PSME3IP1: variants seen among roughly 807,000 people sequenced by gnomAD.
The protein encoded by PSME3IP1 is proteasome activator subunit 3 interacting protein 1.
In PSME3IP1, 13 loss-of-function variants were observed where a neutral mutation model predicts 34.1. The ratio of observed to expected loss-of-function variants is 0.38; its 90% CI spans 0.25 to 0.61. PSME3IP1 has a LOEUF of 0.61. Among genes scored for constraint, PSME3IP1 ranks in the 20% least tolerant of loss-of-function variants. The probability of loss-of-function intolerance (pLI) is 0.60; values close to 1 mark genes in which losing one functional copy is unlikely to be tolerated. For missense variants in PSME3IP1, 237 were observed against 301.4 expected, an observed-to-expected ratio of 0.79 and a Z score of 1.58; for synonymous variants, 93 against 114.3, an observed-to-expected ratio of 0.81 and a Z score of 1.19.
At chr16:57,181,066 A>T (rs2073662279) in intron 1 of PSME3IP1, among the ~76,000 whole-genome samples, 1 of 151,432 alleles carries the variant, frequency 6.6e-6, no homozygotes, top group South Asian at 2.1e-4. Context: ...AAAAGAAGTT[A>T]AAAAAAAAGT....
In PSME3IP1 at chr16:57,154,354, A is replaced by T. The variant is rs2070258749; in HGVS notation, c.701T>A (p.Ile234Asn). The T allele has an allele frequency of 6.2e-7, 1 of 1,613,996 alleles. No homozygotes were observed. The highest frequency in any genetic ancestry group is 1.1e-5 in the South Asian group (1 of 91,084). Residue 234 changes from isoleucine to asparagine, a missense_variant, in exon 7 of 7, where the codon ATC (isoleucine) becomes AAC (asparagine). By Grantham distance (149) the Ile-to-Asn change is moderately radical (BLOSUM62 -3). Transcript: ENST00000309137. The surrounding 1 kb of genome is among the most constrained non-coding windows in gnomAD (Gnocchi z 4.0). The stretch of plus-strand genomic sequence containing the variant: ...GGAGACAATCTTTCCGGTGGCATTG[A>T]TGGTGCCTTCGCTGTCTGAGCTGGA... ...SESSSDSEGT[I>N]NATGKIVSSI... is the part of the protein sequence containing the mutation.
chr16:57,176,176 T>C (rs528002700), intron 1 of PSME3IP1, among the ~76,000 whole-genome samples: 11 of 152,344 alleles, frequency 7.2e-5, no homozygotes, highest in Admixed American at 5.9e-4. Flanking sequence ...GCCAACAATT[T>C]CTTAAATGTC....
At chr16:57,184,831 T>C (rs1420080302) in intron 1 of PSME3IP1, among the ~76,000 whole-genome samples, 1 of 152,250 alleles carries the variant, frequency 6.6e-6, no homozygotes, top group Non-Finnish European at 1.5e-5. Context: ...TTGAGAAAGA[T>C]AATCGGGCAG....
intron 1 of PSME3IP1, among the ~76,000 whole-genome samples, chr16:57,182,110 G>A (rs2073770811): frequency 2.0e-5 from 3 of 152,070 alleles, no homozygotes; most frequent in Admixed American, 2.0e-4. Flanking sequence ...AGTTACTTAG[G>A]GGCTGCCAGC....
intron 1 of PSME3IP1, among the ~76,000 whole-genome samples, chr16:57,176,327 C>T (rs1434335811): frequency 6.6e-6 from 1 of 152,180 alleles, no homozygotes; most frequent in Non-Finnish European, 1.5e-5. Flanking sequence ...CTTTCCATCA[C>T]CCATTTTTCC....
chr16:57,173,976 TA>T, intron 1 of PSME3IP1, 107 bp from the exon 2 acceptor site: 2 of 1,177,642 alleles, frequency 1.7e-6, no homozygotes, highest in Non-Finnish European at 2.4e-6. Context: ...AGCAACAAAC[TA>T]AAAATTATCT....
At chr16:57,185,593 C>T (rs2074104471) in intron 1 of PSME3IP1, 1 of 985,404 alleles carries the variant, frequency 1.0e-6, no homozygotes, top group African/African-American at 1.7e-5. Context: ...AGTGTTGGGC[C>T]CGCCTGAAAG....
At chr16:57,160,902 A>G (rs1450550776) in intron 6 of PSME3IP1, among the ~76,000 whole-genome samples, 1 of 152,266 alleles carries the variant, frequency 6.6e-6, no homozygotes, top group Non-Finnish European at 1.5e-5. Context: ...AACACAAGGT[A>G]GCAGGAAACA....
intron 2 of PSME3IP1, 28 bp from the exon 3 acceptor site, chr16:57,172,902 G>A (rs756043615): frequency 2.5e-5 from 34 of 1,385,694 alleles, no homozygotes; most frequent in Non-Finnish European, 3.4e-5. Flanking sequence ...GGGGAGAGAG[G>A]TGGACGGGGA....
At position 57,167,001 on chromosome 16, in the gene PSME3IP1, G is replaced by A. The variant is rs1302838634; in HGVS notation, c.482+92C>T. On this transcript the variant is annotated intron_variant, in intron 5 of 6. Transcript: ENST00000309137. ...CCAAGGGAACTTCACCAGGACTCACGCGAGGCAAGCGTTGGCTCTGGCTTC... is the reference window on the plus strand; with the variant it reads ...CCAAGGGAACTTCACCAGGACTCACACGAGGCAAGCGTTGGCTCTGGCTTC... 4.7e-6 allele frequency: 7 copies of A among 1,475,582 alleles called. No homozygotes were observed. The East Asian group carries it at 6.8e-5, about 14-fold the overall frequency. 91.4% of individuals were successfully genotyped at this position (1,475,582 alleles called of 1,614,324 possible).
At chr16:57,183,491 A>T (rs1251303286) in intron 1 of PSME3IP1, among the ~76,000 whole-genome samples, 1 of 151,954 alleles carries the variant, frequency 6.6e-6, no homozygotes, top group Non-Finnish European at 1.5e-5. Flanking sequence ...CGCCACCATG[A>T]CTGGCTAATT....
intron 1 of PSME3IP1, among the ~76,000 whole-genome samples, chr16:57,178,091 GTAA>G (rs2073361645): frequency 6.6e-6 from 1 of 152,224 alleles, no homozygotes; most frequent in African/African-American, 2.4e-5. Context: ...GACACACATA[GTAA>G]TAAATTTCTG....
In PSME3IP1 at chr16:57,154,296, G is replaced by A; in HGVS notation, c.759C>T (p.Ala253=). 1 of 1,613,880 alleles carries A rather than the reference G, an allele frequency of 6.2e-7. No individual in the cohort carries two copies. The highest frequency in any genetic ancestry group is 8.5e-7 in the Non-Finnish European group (1 of 1,179,982). The change falls in exon 7 of 7, where the codon GCC becomes GCT. Residue 253 remains alanine (A), a synonymous_variant. Coordinates refer to ENST00000309137, the MANE Select transcript of PSME3IP1 (RefSeq NM_024946.4). This position sits in a 1 kb window ranked among gnomAD's most constrained non-coding sequence, Gnocchi z 4.0. The part of the protein sequence containing the change: ...SIFRTNTFLE[A]P ...CTGTGTAGGGACGGAGAAACTAGGGGGCCTCGAGGAAGGTGTTGGTTCGGA... is the reference window on the plus strand; with the variant it reads ...CTGTGTAGGGACGGAGAAACTAGGGAGCCTCGAGGAAGGTGTTGGTTCGGA...
chr16:57,167,015 G>C, intron 5 of PSME3IP1, 78 bp downstream of exon 5: 1 of 1,547,218 alleles, frequency 6.5e-7, no homozygotes, highest in Non-Finnish European at 8.8e-7. Flanking sequence ...GGCAAGCGTT[G>C]GCTCTGGCTT....
rs961853033 is a variant in PSME3IP1, at chr16:57,181,816, G to A, written c.-16+4005C>T. The A allele has an allele frequency of 7.2e-5, 11 of 152,354 alleles. No individual in the cohort carries two copies. In the East Asian group the frequency reaches 2.1e-3, roughly 29 times the overall value. 9.4% of individuals were successfully genotyped at this position (152,354 alleles called of 1,614,324 possible). A position where few individuals can be genotyped will look rare whatever the true frequency, so the allele number is the denominator to read the frequency against. On this transcript the variant is annotated intron_variant, in intron 1 of 6. Coordinates refer to ENST00000309137, the MANE Select transcript of PSME3IP1 (RefSeq NM_024946.4). ...GCATATTACAAAGGATACAGATGAAGCAATGCATAGGGCAAGGCATGTGGG... is the reference window on the plus strand; with the variant it reads ...GCATATTACAAAGGATACAGATGAAACAATGCATAGGGCAAGGCATGTGGG...
chr16:57,154,232 C>A lies in PSME3IP1; in HGVS notation c.*58G>T. The A allele has an allele frequency of 1.4e-6, 2 of 1,472,686 alleles. No individual in the cohort carries two copies. The highest frequency in any genetic ancestry group is 1.1e-5 in the South Asian group (1 of 87,006). 91.2% of individuals were successfully genotyped at this position (1,472,686 alleles called of 1,614,324 possible). A position where few individuals can be genotyped will look rare whatever the true frequency, so the allele number is the denominator to read the frequency against. The stretch of plus-strand genomic sequence containing the variant: ...TTTTGAGGGACATAATGCCTATAGG[C>A]AGCATGAACGGTCCGATCTACCCTT... On this transcript the variant is annotated 3_prime_UTR_variant, in exon 7 of 7. Transcript: ENST00000309137. The surrounding 1 kb of genome is among the most constrained non-coding windows in gnomAD (Gnocchi z 4.0).
chr16:57,184,804 G>C (rs1471231909), intron 1 of PSME3IP1, among the ~76,000 whole-genome samples: 1 of 152,220 alleles, frequency 6.6e-6, no homozygotes, highest in African/African-American at 2.4e-5. Context: ...CACAGGGTAA[G>C]GACATGAAGA....
intron 6 of PSME3IP1, among the ~76,000 whole-genome samples, chr16:57,163,512 G>A (rs1328007442): frequency 2.6e-5 from 4 of 152,148 alleles, no homozygotes; most frequent in East Asian, 3.9e-4. Context: ...ACAAGTTCTT[G>A]CCTCTTAATA....
intron 6 of PSME3IP1, among the ~76,000 whole-genome samples, chr16:57,161,509 ATTTT>A (rs35833252): frequency 2.1e-5 from 2 of 93,696 alleles, no homozygotes. Flanking sequence ...TAAGATCATA[ATTTT>A]TTTTTTTTTT....
Sources: gnomAD v4.1 joint callset for allele counts (sites outside exome capture counted in the v4.1 genomes callset) on GRCh38, gnomAD v4.1.1 for gene constraint, Gnocchi (gnomAD v3.1) non-coding constraint, MANE v1.5 for transcripts, NCBI Gene and HGNC (gene_info 2026-07-23, HGNC 2026-07-21) for gene names.